The following LYPD3 variants were observed in gnomAD, a reference collection of about 807,000 sequenced individuals.
The protein encoded by LYPD3 is ly6/PLAUR domain-containing protein 3.
LYPD3 carries 22 observed loss-of-function variants against 21.7 expected under a neutral mutation model. That is an observed-to-expected ratio of 1.01 (90% CI 0.72 to 1.45). The LOEUF (loss-of-function observed/expected upper bound fraction) is 1.45. LYPD3 is among the 40% of genes most tolerant of loss of function. The pLI is 0.00. For missense variants in LYPD3, 471 were observed against 466.9 expected (o/e 1.01, Z -0.08); for synonymous variants, 179 against 203.0 (o/e 0.88, Z 1.00).
At chr19:43,464,681 A>G (rs1970806937) in intron 1 of LYPD3, among the ~76,000 whole-genome samples, 1 of 152,032 alleles carries the variant, frequency 6.6e-6, no homozygotes, top group African/African-American at 2.4e-5. Context: ...CATCCTTCCG[A>G]CAGCCCTGTA....
Position 43,461,345 on chromosome 19 carries a change from A to G in LYPD3, c.*6T>C. 1 of 1,582,394 alleles carries G rather than the reference A, an allele frequency of 6.3e-7. No individual in the cohort carries two copies. Among genetic ancestry groups the G allele is most frequent in the Non-Finnish European group, 8.6e-7 (1 of 1,162,608 alleles). On this transcript the variant is annotated 3_prime_UTR_variant, in exon 5 of 5. Coordinates refer to ENST00000244333, the MANE Select transcript of LYPD3 (RefSeq NM_014400.3). Reference sequence around the variant, plus strand: ...AGGTGAGAGGGAAATTTCCAGGTGGAGAAGCTCACAGTAGGACACCAGCAG... The same window carrying G: ...AGGTGAGAGGGAAATTTCCAGGTGGGGAAGCTCACAGTAGGACACCAGCAG...
At position 43,460,874 on chromosome 19, in the gene LYPD3, G is replaced by A. The variant is rs968149623; in HGVS notation, c.*477C>T. 3 of 175,504 alleles carry A rather than the reference G, an allele frequency of 1.7e-5. No homozygotes were observed. The highest frequency in any genetic ancestry group is 1.7e-4 in the East Asian group (1 of 5,926). 10.9% of individuals were successfully genotyped at this position (175,504 alleles called of 1,614,324 possible). On this transcript the variant is annotated 3_prime_UTR_variant, in exon 5 of 5. Transcript: ENST00000244333. Reference sequence around the variant, plus strand: ...GACATAAGGCACGGTCCCTGCCCTCGAGGAGCTCACAGTCTAGTAAGGAAG... The same window carrying A: ...GACATAAGGCACGGTCCCTGCCCTCAAGGAGCTCACAGTCTAGTAAGGAAG...
intron 1 of LYPD3, 132 bp downstream of exon 1, chr19:43,465,361 G>C: frequency 1.0e-6 from 1 of 1,003,246 alleles, no homozygotes; most frequent in Non-Finnish European, 1.5e-6. Flanking sequence ...CTTAGGATGG[G>C]GGAACTTTGC....
intron 4 of LYPD3, among the ~76,000 whole-genome samples, chr19:43,462,069 G>A (rs576819610): frequency 6.6e-6 from 1 of 151,376 alleles, no homozygotes; most frequent in South Asian, 2.1e-4. Flanking sequence ...CCCCCAAAAT[G>A]AGACAGAAAG....
chr19:43,463,383 A>G, intron 3 of LYPD3, 96 bp from the exon 4 acceptor site: 3 of 1,453,202 alleles, frequency 2.1e-6, no homozygotes, highest in Middle Eastern at 1.7e-4. Context: ...CCCCGGCACT[A>G]TCGATGACCC....
chr19:43,463,612 C>A lies in LYPD3; in HGVS notation c.369G>T (p.Ala123=), dbSNP rs371729560. The A allele has an allele frequency of 2.9e-5, 47 of 1,601,522 alleles. No homozygotes were observed. The highest frequency in any genetic ancestry group is 4.0e-5 in the Non-Finnish European group (47 of 1,179,728). The change falls in exon 3 of 5, where the codon GCG becomes GCT. Residue 123 remains alanine (A), a synonymous_variant. Transcript: ENST00000244333. ...GCCCCCACGGACCTGCCGGGTCGAG[C>A]GCCCGCGAGGTGAGGTTGAGCTTGG... ...CNAKLNLTSR[A]LDPAGNESAY...
In LYPD3 at chr19:43,461,528, G is replaced by T; in HGVS notation, c.864C>A (p.Ala288=). Residue 288 remains alanine (A), a synonymous_variant, in exon 5 of 5, where the codon GCC becomes GCA. Coordinates refer to ENST00000244333, the MANE Select transcript of LYPD3 (RefSeq NM_014400.3). The part of the protein sequence containing the change: ...QTPRQGVEHE[A]SRDEEPRLTG... ...TCAACCTGGGCTCCTCATCCCGGGA[G>T]GCCTCGTGTTCTACTCCCTGTCTCG... 1 of 1,614,192 alleles carries T rather than the reference G, an allele frequency of 6.2e-7. No individual in the cohort carries two copies. The highest frequency in any genetic ancestry group is 8.5e-7 in the Non-Finnish European group (1 of 1,180,036).
chr19:43,462,670 T>C (rs1023620926), intron 4 of LYPD3, among the ~76,000 whole-genome samples: 1 of 151,994 alleles, frequency 6.6e-6, no homozygotes, highest in African/African-American at 2.4e-5. Context: ...AAAAAAATAG[T>C]AATAATAAAA....
chr19:43,461,057 C>G lies in LYPD3; in HGVS notation c.*294G>C. The G allele has an allele frequency of 3.0e-6, 1 of 338,818 alleles. No homozygotes were observed. Among genetic ancestry groups the G allele is most frequent in the South Asian group, 6.4e-5 (1 of 15,528 alleles). The allele number at this position is 338,818 out of a possible 1,614,324, so 21.0% of individuals were successfully genotyped here. On this transcript the variant is annotated 3_prime_UTR_variant, in exon 5 of 5. Transcript: ENST00000244333. ...ATCCTCTCTCTCACCTTCCCCGTGA[C>G]AGCTGACTTCTCTCACTCTGTCCTA...
Position 43,463,657 on chromosome 19 carries a change from G to A in LYPD3, c.324C>T (p.Cys108=), listed in dbSNP as rs1157407695. Residue 108 remains cysteine, a synonymous_variant, in exon 3 of 5, where the codon TGC becomes TGT. Coordinates refer to ENST00000244333, the MANE Select transcript of LYPD3 (RefSeq NM_014400.3). ...GLLAFIQLQQ[C]AQDRCNAKLN... is the part of the protein sequence containing the mutation. ...GCTTGGCGTTGCAGCGATCCTGAGC[G>A]CATTGCTGCAGCTGGATGAACGCCA... 3.1e-6 allele frequency: 5 copies of A among 1,608,754 alleles called. No individual in the cohort carries two copies. Among genetic ancestry groups the A allele is most frequent in the Non-Finnish European group, 4.2e-6 (5 of 1,179,974 alleles).
At chr19:43,462,629 G>C (rs1226355392) in intron 4 of LYPD3, among the ~76,000 whole-genome samples, 2 of 152,084 alleles carry the variant, frequency 1.3e-5, no homozygotes, top group Non-Finnish European at 2.9e-5. Context: ...TACACTCCAG[G>C]CTAGGCGATA....
Position 43,461,267 on chromosome 19 carries a change from C to T in LYPD3, c.*84G>A. On this transcript the variant is annotated 3_prime_UTR_variant, in exon 5 of 5. Transcript: ENST00000244333. ...AAACAGGGGCTGGGCCAGCCCAGTC[C>T]AGTGGTGGGAACAGGAAGTGATGAG... The T allele has an allele frequency of 7.0e-7, 1 of 1,432,052 alleles. No homozygotes were observed. Among genetic ancestry groups the T allele is most frequent in the Non-Finnish European group, 9.3e-7 (1 of 1,077,706 alleles). 88.7% of individuals were successfully genotyped at this position (1,432,052 alleles called of 1,614,324 possible). A position where few individuals can be genotyped will look rare whatever the true frequency, so the allele number is the denominator to read the frequency against.
At chr19:43,464,602 TC>T (rs1447342027) in intron 1 of LYPD3, 146 bp from the exon 2 acceptor site, 10 of 1,070,718 alleles carry the variant, frequency 9.3e-6, no homozygotes, top group Non-Finnish European at 1.2e-5. Context: ...GGAAAAGCTT[TC>T]CACAAATCTG....
intron 1 of LYPD3, among the ~76,000 whole-genome samples, chr19:43,464,934 C>CTTTT (rs34393417): frequency 4.8e-4 from 30 of 62,798 alleles, no homozygotes; most frequent in Non-Finnish European, 7.6e-4. Context: ...TTCTTTTTTT[C>CTTTT]TTTTTTTTTT....
chr19:43,464,967 G>C (rs1453634235), intron 1 of LYPD3, among the ~76,000 whole-genome samples: 1 of 129,656 alleles, frequency 7.7e-6, no homozygotes, highest in Admixed American at 9.3e-5. Flanking sequence ...GTCTCGCTCT[G>C]TCGCCAGGCT....
chr19:43,464,145 G>T, intron 2 of LYPD3, 180 bp downstream of exon 2: 2 of 868,036 alleles, frequency 2.3e-6, no homozygotes, highest in Non-Finnish European at 3.4e-6. Context: ...CCTCGCGCTT[G>T]TAATTGTTAA....
In LYPD3 at chr19:43,461,413, C is replaced by T. The variant is rs1211575086; in HGVS notation, c.979G>A (p.Val327Met). 1.2e-6 allele frequency: 2 copies of T among 1,613,818 alleles called. No individual in the cohort carries two copies. Among genetic ancestry groups the T allele is most frequent in the Non-Finnish European group, 1.7e-6 (2 of 1,179,714 alleles). ...GPQQPHNKGC[V>M]APTAGLAALL... ...GCTGCCAATCCAGCTGTGGGAGCCA[C>T]ACAGCCTTTATTATGGGGCTGCTGG... is the stretch of plus-strand genomic sequence containing the variant. Residue 327 changes from valine to methionine, a missense_variant, in exon 5 of 5, where the codon GTG (valine) becomes ATG (methionine). Val to Met is a conservative substitution (Grantham distance 21, BLOSUM62 1). Coordinates refer to ENST00000244333, the MANE Select transcript of LYPD3 (RefSeq NM_014400.3).
intron 3 of LYPD3, 141 bp downstream of exon 3, chr19:43,463,458 G>A (rs924242592): frequency 1.8e-5 from 25 of 1,371,586 alleles, no homozygotes; most frequent in Non-Finnish European, 2.3e-5. Context: ...AGTCCCTCCT[G>A]CTGCCTCTTG....
chr19:43,462,921 C>G (rs987494707), intron 4 of LYPD3, among the ~76,000 whole-genome samples: 4 of 152,204 alleles, frequency 2.6e-5, no homozygotes, highest in African/African-American at 7.2e-5. Context: ...TGGGACAAAG[C>G]ATCACTATCC....
Sources: gnomAD v4.1 joint callset for allele counts (sites outside exome capture counted in the v4.1 genomes callset) on GRCh38, gnomAD v4.1.1 for gene constraint, MANE v1.5 for transcripts, NCBI Gene and HGNC (gene_info 2026-07-23, HGNC 2026-07-21) for gene names.